Variants in CMSS1 observed in about 807,000 individuals in gnomAD.
CMSS1 encodes the protein protein CMSS1.
In CMSS1, 33 loss-of-function variants were observed where a neutral mutation model predicts 43.5. The ratio of observed to expected loss-of-function variants is 0.76; its 90% CI spans 0.57 to 1.01. The LOEUF is 1.01. CMSS1 is among the 50% of genes least tolerant of loss of function. CMSS1 has a pLI of 0.00. For synonymous variants in CMSS1, 115 were observed against 117.2 expected, an observed-to-expected ratio of 0.98 and a Z score of 0.12; for missense variants, 313 against 326.4, an observed-to-expected ratio of 0.96 and a Z score of 0.32.
At chr3:99,880,456 C>T (rs1428996918) in intron 1 of CMSS1, among the ~76,000 whole-genome samples, 5 of 152,036 alleles carry the variant, frequency 3.3e-5, no homozygotes, top group Non-Finnish European at 7.3e-5. Context: ...AATCTCTGGT[C>T]CCAGGCCTAT....
intron 2 of CMSS1, among the ~76,000 whole-genome samples, chr3:100,158,306 A>T (rs2066993581): frequency 6.6e-6 from 1 of 152,338 alleles, no homozygotes; most frequent in East Asian, 1.9e-4. Flanking sequence ...TTCAGACTAC[A>T]TATTTAAAAT....
At position 100,031,971 on chromosome 3, in the gene CMSS1, T is replaced by TCA. The variant is rs1207825717; in HGVS notation, c.65-115002_65-115001insCA. ...GACAGTTAAATTTGAATTTTATGTA[T>TCA]TTTTCATGCATCATGAAAAATCCTA... On this transcript the variant is annotated intron_variant, in intron 1 of 9. Coordinates refer to ENST00000421999, the MANE Select transcript of CMSS1 (RefSeq NM_032359.4). Among the ~76,000 whole-genome samples, 81 of 152,312 alleles carry TCA rather than the reference T, an allele frequency of 5.3e-4. 3 individuals carry two copies. The East Asian group carries it at 0.015, about 29-fold the overall frequency.
At chr3:100,083,335 C>A (rs771911886) in intron 1 of CMSS1, among the ~76,000 whole-genome samples, 4 of 152,186 alleles carry the variant, frequency 2.6e-5, no homozygotes, top group Non-Finnish European at 5.9e-5. Context: ...TAGCCCTTAA[C>A]GTATGTTGTG....
At chr3:99,929,890 C>G in intron 1 of CMSS1, 1 of 1,613,718 alleles carries the variant, frequency 6.2e-7, no homozygotes. Context: ...GTCCTCCTGC[C>G]AAGGGGTAGA....
chr3:99,902,025 A>G (rs1706454440), intron 1 of CMSS1, among the ~76,000 whole-genome samples: 1 of 152,176 alleles, frequency 6.6e-6, no homozygotes, highest in East Asian at 1.9e-4. Context: ...GTAATATATG[A>G]GGTCTTACAA....
At chr3:99,987,149 A>G (rs1346601154) in intron 1 of CMSS1, among the ~76,000 whole-genome samples, 1 of 151,442 alleles carries the variant, frequency 6.6e-6, no homozygotes, top group Non-Finnish European at 1.5e-5. Context: ...AGGATCACTT[A>G]AGCCCAGGAG....
intron 1 of CMSS1, among the ~76,000 whole-genome samples, chr3:99,883,528 G>C (rs541951463): frequency 6.6e-6 from 1 of 152,142 alleles, no homozygotes; most frequent in East Asian, 1.9e-4. Context: ...GTGTTGGCTG[G>C]GGGGTGTTGT....
At chr3:100,026,211 T>C (rs2064917780) in intron 1 of CMSS1, among the ~76,000 whole-genome samples, 1 of 152,156 alleles carries the variant, frequency 6.6e-6, no homozygotes, top group Non-Finnish European at 1.5e-5. Context: ...ATGGCCTGTT[T>C]TAAAATACTT....
At chr3:100,150,782 T>C (rs1224953307) in intron 2 of CMSS1, among the ~76,000 whole-genome samples, 1 of 152,212 alleles carries the variant, frequency 6.6e-6, no homozygotes, top group Non-Finnish European at 1.5e-5. Flanking sequence ...TCCTAGAGAT[T>C]GCATCACCCT....
intron 2 of CMSS1, among the ~76,000 whole-genome samples, chr3:100,156,650 C>G (rs1239914484): frequency 6.6e-6 from 1 of 151,432 alleles, no homozygotes; most frequent in Non-Finnish European, 1.5e-5. Flanking sequence ...GAGTCTCGCT[C>G]TGTCGCCCGG....
intron 1 of CMSS1, among the ~76,000 whole-genome samples, chr3:100,018,186 C>T (rs1200962612): frequency 7.2e-5 from 11 of 151,840 alleles, no homozygotes; most frequent in African/African-American, 2.4e-5. Context: ...ATTAGCCGGG[C>T]GTGGTGGCAT....
At chr3:99,970,373 T>G (rs1269362976) in intron 1 of CMSS1, among the ~76,000 whole-genome samples, 5 of 152,214 alleles carry the variant, frequency 3.3e-5, no homozygotes, top group African/African-American at 9.6e-5. Flanking sequence ...GAGACCAAAC[T>G]CCTCTTAAGC....
In CMSS1 at chr3:99,931,718, G is replaced by A. The variant is rs187700745; in HGVS notation, c.64+113675G>A. On this transcript the variant is annotated intron_variant, in intron 1 of 9. Coordinates refer to ENST00000421999, the MANE Select transcript of CMSS1 (RefSeq NM_032359.4). ...TATTTAGGACCCTCATCTTCAAAGC[G>A]GAGATACTACTACCTAACGTAGTTG... 6.6e-4 allele frequency among the ~76,000 whole-genome samples: 101 copies of A among 152,194 alleles called. 1 individual carries two copies. Among genetic ancestry groups the A allele is most frequent in the Admixed American group, 2.7e-3 (41 of 15,274 alleles).
At chr3:100,174,011 CT>C (rs2107533510) in intron 8 of CMSS1, among the ~76,000 whole-genome samples, 1 of 152,324 alleles carries the variant, frequency 6.6e-6, no homozygotes, top group Admixed American at 6.5e-5. Context: ...ACCCTAAACA[CT>C]TAACAAATAT....
chr3:99,848,932 G>C, intron 1 of CMSS1: 1 of 1,614,168 alleles, frequency 6.2e-7, no homozygotes, highest in East Asian at 2.2e-5. Context: ...TTCAAGAGTG[G>C]CTGTGTTTTG....
At chr3:99,848,759 T>C (rs778796509) in intron 1 of CMSS1, 72 of 1,614,108 alleles carry the variant, frequency 4.5e-5, no homozygotes, top group Non-Finnish European at 6.0e-5. Context: ...ATTGGGGACA[T>C]GCCTTGTTCT....
chr3:99,971,607 C>T (rs1297009821), intron 1 of CMSS1, among the ~76,000 whole-genome samples: 3 of 152,216 alleles, frequency 2.0e-5, no homozygotes, highest in Non-Finnish European at 4.4e-5. Context: ...CTTGTAGCCA[C>T]TCCCTGATCT....
intron 1 of CMSS1, among the ~76,000 whole-genome samples, chr3:100,013,214 G>GTGTTGTTGT (rs35047568): frequency 0.022 from 3,236 of 145,488 alleles, 53 homozygotes; most frequent in East Asian, 0.058. Flanking sequence ...GGCCAGTGAG[G>GTGTTGTTGT]TGTTGTTGTT....
At chr3:100,082,367 G>A (rs762281107) in intron 1 of CMSS1, among the ~76,000 whole-genome samples, 2 of 152,184 alleles carry the variant, frequency 1.3e-5, no homozygotes, top group African/African-American at 2.4e-5. Flanking sequence ...GAACTCCTCT[G>A]TACTGCTGGG....
Sources: allele counts gnomAD v4.1 joint callset (sites outside exome capture counted in the v4.1 genomes callset), GRCh38; gene constraint gnomAD v4.1.1; transcripts MANE v1.5; gene names NCBI Gene and HGNC (gene_info 2026-07-23, HGNC 2026-07-21).